EFCAB5: variants seen among roughly 807,000 people sequenced by gnomAD.
EFCAB5 encodes the protein EF-hand calcium binding domain 5, also known as EF-hand calcium-binding domain-containing protein 5.
In EFCAB5, 131 loss-of-function variants were observed where a neutral mutation model predicts 167.9. The observed-to-expected ratio is 0.78, with a 90% CI of 0.68 to 0.90. EFCAB5 has a LOEUF of 0.90. Among genes scored for constraint, EFCAB5 ranks in the 40% least tolerant of loss-of-function variants. The pLI is 0.00. For synonymous variants in EFCAB5, 574 were observed against 602.8 expected, an observed-to-expected ratio of 0.95 and a Z score of 0.70; for missense variants, 1,663 against 1,745.2, an observed-to-expected ratio of 0.95 and a Z score of 0.84.
At chr17:30,009,886 T>C (rs2068856330) in intron 7 of EFCAB5, among the ~76,000 whole-genome samples, 1 of 152,260 alleles carries the variant, frequency 6.6e-6, no homozygotes, top group Middle Eastern at 3.4e-3. Context: ...TATGTATACA[T>C]GTGCCGTGTT....
chr17:30,097,237 G>A (rs937785585), intron 22 of EFCAB5, among the ~76,000 whole-genome samples: 20 of 151,630 alleles, frequency 1.3e-4, no homozygotes, highest in Non-Finnish European at 2.8e-4. Context: ...TGTATTTTTA[G>A]TAGAGGCAGG....
intron 7 of EFCAB5, among the ~76,000 whole-genome samples, chr17:30,030,946 C>T (rs559983777): frequency 6.6e-6 from 1 of 152,184 alleles, no homozygotes; most frequent in African/African-American, 2.4e-5. Flanking sequence ...AGCATTCCCA[C>T]AGCCAGAAAG....
chr17:30,076,277 T>C (rs2070866513), intron 14 of EFCAB5, among the ~76,000 whole-genome samples: 1 of 152,220 alleles, frequency 6.6e-6, no homozygotes, highest in African/African-American at 2.4e-5. Flanking sequence ...AATCAAAAAG[T>C]CTGGCATTAG....
chr17:30,017,210 C>A (rs1272725088), intron 7 of EFCAB5, among the ~76,000 whole-genome samples: 1 of 151,446 alleles, frequency 6.6e-6, no homozygotes, highest in Non-Finnish European at 1.5e-5. Context: ...CAAAAACCAA[C>A]CAAACAAAAA....
rs1307249974 is a variant in EFCAB5, at chr17:30,082,872, G to A, written c.3427-19G>A. 6.3e-7 allele frequency: 1 copy of A among 1,592,840 alleles called. No homozygotes were observed. Among genetic ancestry groups the A allele is most frequent in the African/African-American group, 1.3e-5 (1 of 74,154 alleles). ...CTATTTTAAAAAGAATAGGCTATTT[G>A]AATTTTCTGTCTCTACAGGGTGTTG... On this transcript the variant is annotated intron_variant, in intron 17 of 22. Coordinates refer to ENST00000394835, the MANE Select transcript of EFCAB5 (RefSeq NM_198529.4).
chr17:30,078,691 G>A (rs1198721236), intron 15 of EFCAB5, among the ~76,000 whole-genome samples, 187 bp downstream of exon 15: 2 of 152,132 alleles, frequency 1.3e-5, no homozygotes, highest in African/African-American at 4.8e-5. Context: ...AGTGACTGCT[G>A]GTTGACAAGA....
chr17:30,092,138 G>A lies in EFCAB5; in HGVS notation c.4205G>A (p.Ser1402Asn). ...TTGGAATTTTCAAGTGACTTTGGAA[G>A]TTGGGATAAGTGTAAATTTGTAAGT... is the stretch of plus-strand genomic sequence containing the variant. ...PELEFSSDFG[S>N]WDKCKFYVNK... Residue 1402 changes from serine (S) to asparagine (N), a missense_variant, in exon 21 of 23, where the codon AGT becomes AAT. Transcript: ENST00000394835. 1 of 1,612,846 alleles carries A rather than the reference G, an allele frequency of 6.2e-7. No individual in the cohort carries two copies. The highest frequency in any genetic ancestry group is 8.5e-7 in the Non-Finnish European group (1 of 1,179,172).
intron 4 of EFCAB5, among the ~76,000 whole-genome samples, chr17:29,982,339 G>A (rs527900377): frequency 2.0e-5 from 3 of 152,240 alleles, no homozygotes; most frequent in African/African-American, 7.2e-5. Context: ...GGAGGTTGCA[G>A]TGAGCCAAGC....
chr17:30,092,247 G>A (rs2071214403), intron 21 of EFCAB5, 90 bp downstream of exon 21: 2 of 1,348,700 alleles, frequency 1.5e-6, no homozygotes, highest in South Asian at 1.5e-5. Flanking sequence ...AATCATAAGG[G>A]TACAAATGCA....
intron 22 of EFCAB5, among the ~76,000 whole-genome samples, chr17:30,104,763 C>A (rs1032558968): frequency 6.6e-6 from 1 of 152,028 alleles, no homozygotes; most frequent in African/African-American, 2.4e-5. Context: ...CGGTCGTTAA[C>A]GCATCAACCT....
chr17:30,089,104 C>T (rs980601710), intron 19 of EFCAB5, among the ~76,000 whole-genome samples: 5 of 151,990 alleles, frequency 3.3e-5, no homozygotes, highest in South Asian at 2.1e-4. Flanking sequence ...CTCCACCCCA[C>T]GACAGGCCCC....
intron 4 of EFCAB5, among the ~76,000 whole-genome samples, chr17:29,988,733 A>G (rs1387598454): frequency 6.6e-6 from 1 of 152,184 alleles, no homozygotes; most frequent in African/African-American, 2.4e-5. Flanking sequence ...GATCATATCC[A>G]TGTAATTTAA....
At chr17:30,021,616 T>G (rs2069182499) in intron 7 of EFCAB5, among the ~76,000 whole-genome samples, 1 of 151,818 alleles carries the variant, frequency 6.6e-6, no homozygotes, top group African/African-American at 2.4e-5. Context: ...CTTCTTGAAG[T>G]GCAAACAGCA....
chr17:30,060,214 A>G (rs955174664), intron 14 of EFCAB5, among the ~76,000 whole-genome samples: 1 of 149,286 alleles, frequency 6.7e-6, no homozygotes, highest in Non-Finnish European at 1.5e-5. Flanking sequence ...GTATAATAAT[A>G]ACAAAAAAAA....
In EFCAB5 at chr17:30,069,032, T is replaced by G. The variant is rs568737246; in HGVS notation, c.2738-9183T>G. ...GTGAAGGAGCACAGGACTGCTGTTCTGGATTTCATTGAAGATTACTTAAAA... is the reference window on the plus strand; with the variant it reads ...GTGAAGGAGCACAGGACTGCTGTTCGGGATTTCATTGAAGATTACTTAAAA... On this transcript the variant is annotated intron_variant, in intron 14 of 22. Coordinates refer to ENST00000394835, the MANE Select transcript of EFCAB5 (RefSeq NM_198529.4). 5 of 1,399,674 alleles carry G rather than the reference T, an allele frequency of 3.6e-6. No individual in the cohort carries two copies. The East Asian group carries it at 1.1e-4, about 32-fold the overall frequency. The allele number at this position is 1,399,674 out of a possible 1,614,324, so 86.7% of individuals were successfully genotyped here. A position where few individuals can be genotyped will look rare whatever the true frequency, so the allele number is the denominator to read the frequency against.
At chr17:30,054,749 C>G (rs902963988) in intron 10 of EFCAB5, among the ~76,000 whole-genome samples, 1 of 152,202 alleles carries the variant, frequency 6.6e-6, no homozygotes, top group African/African-American at 2.4e-5. Flanking sequence ...ACAATTCATA[C>G]ATTTTTAACT....
intron 3 of EFCAB5, among the ~76,000 whole-genome samples, chr17:29,966,143 G>A (rs953336059): frequency 2.0e-4 from 30 of 151,984 alleles, no homozygotes; most frequent in Non-Finnish European, 4.4e-5. Context: ...ACAGTGTTAT[G>A]CAACCATTAC....
chr17:30,065,098 AATCCCT>A (rs1156677850), intron 14 of EFCAB5, among the ~76,000 whole-genome samples: 2 of 152,320 alleles, frequency 1.3e-5, no homozygotes, highest in Non-Finnish European at 2.9e-5. Flanking sequence ...AAAATATGAT[AATCCCT>A]ATCATGAAAA....
intron 4 of EFCAB5, among the ~76,000 whole-genome samples, chr17:29,987,374 C>A (rs2068310792): frequency 1.3e-5 from 2 of 152,162 alleles, no homozygotes; most frequent in African/African-American, 4.8e-5. Context: ...CGATCGCACC[C>A]AAATTGGCTG....
Sources: allele counts gnomAD v4.1 joint callset (sites outside exome capture counted in the v4.1 genomes callset), GRCh38; gene constraint gnomAD v4.1.1; transcripts MANE v1.5; gene names NCBI Gene and HGNC (gene_info 2026-07-23, HGNC 2026-07-21).